Variants in MEIKIN observed in about 807,000 individuals in gnomAD.
MEIKIN encodes the protein meiotic kinetochore factor.
At position 131,941,142 on chromosome 5, in the gene MEIKIN, C is replaced by CTTTTTTTTTTT. The variant is rs397999274; in HGVS notation, c.349+1482_349+1492dup. On this transcript the variant is annotated intron_variant, in intron 4 of 12. Transcript: ENST00000442687. The stretch of plus-strand genomic sequence containing the variant: ...TTGACAATTCCTTCAAGATCTCTTC[C>CTTTTTTTTTTT]TTTTTTTTTTTTTTTTTTTTTTTTT... Among the ~76,000 whole-genome samples, 19 of 59,690 alleles carry CTTTTTTTTTTT rather than the reference C, an allele frequency of 3.2e-4. 1 individual carries two copies. Among genetic ancestry groups the CTTTTTTTTTTT allele is most frequent in the African/African-American group, 6.9e-4 (9 of 13,102 alleles). The allele number at this position is 59,690 out of a possible 152,430, so 39.2% of individuals were successfully genotyped here. A position where few individuals can be genotyped will look rare whatever the true frequency, so the allele number is the denominator to read the frequency against.
At chr5:131,895,421 T>G (rs1056256194) in intron 8 of MEIKIN, among the ~76,000 whole-genome samples, 2 of 152,142 alleles carry the variant, frequency 1.3e-5, no homozygotes. Context: ...TTAGGGAGGA[T>G]TCCCTCTTTT....
intron 4 of MEIKIN, among the ~76,000 whole-genome samples, chr5:131,941,064 G>A (rs1470812940): frequency 1.3e-5 from 2 of 150,752 alleles, no homozygotes; most frequent in Non-Finnish European, 2.9e-5. Flanking sequence ...AATATATTAG[G>A]GGATTATGAA....
At chr5:131,854,093 T>C (rs1750156933) in intron 10 of MEIKIN, among the ~76,000 whole-genome samples, 1 of 152,184 alleles carries the variant, frequency 6.6e-6, no homozygotes, top group African/African-American at 2.4e-5. Context: ...AGCAACCCAA[T>C]TGTCCATCAA....
chr5:131,824,603 A>C (rs889259243), intron 11 of MEIKIN, among the ~76,000 whole-genome samples: 1 of 152,208 alleles, frequency 6.6e-6, no homozygotes, highest in African/African-American at 2.4e-5. Context: ...TCTTGAAATG[A>C]AAAAGTTTTT....
intron 5 of MEIKIN, among the ~76,000 whole-genome samples, chr5:131,925,024 A>G (rs546414511): frequency 6.6e-6 from 1 of 152,278 alleles, no homozygotes; most frequent in South Asian, 2.1e-4. Flanking sequence ...CAATTTCATT[A>G]TTTTGTATGT....
At chr5:131,893,001 G>A (rs1038853774) in intron 8 of MEIKIN, among the ~76,000 whole-genome samples, 5 of 152,186 alleles carry the variant, frequency 3.3e-5, no homozygotes. Flanking sequence ...GTTTGCCTGG[G>A]TATCAGCAGT....
At chr5:131,844,542 A>T (rs977263038) in intron 11 of MEIKIN, among the ~76,000 whole-genome samples, 4 of 152,196 alleles carry the variant, frequency 2.6e-5, no homozygotes, top group Non-Finnish European at 5.9e-5. Context: ...CTTAGTTTAT[A>T]GGGCGGAATA....
intron 11 of MEIKIN, among the ~76,000 whole-genome samples, chr5:131,827,318 A>C (rs1163027205): frequency 6.6e-6 from 1 of 152,202 alleles, no homozygotes. Flanking sequence ...AAAAATTGTT[A>C]AGAAGAAAAG....
rs577136909 is a variant in MEIKIN at position 131,856,246 on chromosome 5, A to G, written c.775-1412T>C. Among the ~76,000 whole-genome samples, 9 of 152,280 alleles carry G rather than the reference A, an allele frequency of 5.9e-5. No homozygotes were observed. In the South Asian group the frequency reaches 1.9e-3, roughly 32 times the overall value. ...CTGTGATGCAAGGGTTACAAATAAT[A>G]TATGTAAAAAGAACCTATGGTGTCT... On this transcript the variant is annotated intron_variant, in intron 9 of 12. Transcript: ENST00000442687.
At chr5:131,849,897 A>C (rs1020442482) in intron 11 of MEIKIN, among the ~76,000 whole-genome samples, 1 of 152,234 alleles carries the variant, frequency 6.6e-6, no homozygotes, top group Non-Finnish European at 1.5e-5. Flanking sequence ...CTCTGTTCAC[A>C]GACAACATGG....
chr5:131,826,369 G>T (rs1436272026), intron 11 of MEIKIN, among the ~76,000 whole-genome samples: 1 of 151,962 alleles, frequency 6.6e-6, no homozygotes, highest in Non-Finnish European at 1.5e-5. Context: ...ATTATAATTT[G>T]GGGTGAAAGA....
intron 11 of MEIKIN, among the ~76,000 whole-genome samples, chr5:131,847,037 A>G (rs1319063259): frequency 6.6e-6 from 1 of 152,210 alleles, no homozygotes; most frequent in East Asian, 1.9e-4. Flanking sequence ...AACCACAAAG[A>G]AAATAGCTAT....
At chr5:131,851,935 T>A (rs1177694142) in intron 10 of MEIKIN, among the ~76,000 whole-genome samples, 1 of 152,206 alleles carries the variant, frequency 6.6e-6, no homozygotes, top group African/African-American at 2.4e-5. Context: ...TCCCCATGAA[T>A]ACTGAGGGAT....
intron 6 of MEIKIN, among the ~76,000 whole-genome samples, chr5:131,917,420 G>C (rs890927979): frequency 1.4e-4 from 22 of 151,924 alleles, no homozygotes; most frequent in Admixed American, 6.6e-4. Flanking sequence ...ACAAAAATTA[G>C]CCGGCCGTGG....
At chr5:131,908,038 T>A (rs1364362783) in intron 8 of MEIKIN, among the ~76,000 whole-genome samples, 2 of 152,036 alleles carry the variant, frequency 1.3e-5, no homozygotes, top group Non-Finnish European at 2.9e-5. Flanking sequence ...CTACTCAAAC[T>A]GTTCCAAAAA....
chr5:131,862,160 C>T (rs538933687), intron 9 of MEIKIN, among the ~76,000 whole-genome samples: 113 of 152,216 alleles, frequency 7.4e-4, no homozygotes, highest in South Asian at 6.2e-3. Flanking sequence ...TTTTCTATTT[C>T]TTCCTCATTC....
At chr5:131,829,636 G>A (rs1749679664) in intron 11 of MEIKIN, among the ~76,000 whole-genome samples, 1 of 152,160 alleles carries the variant, frequency 6.6e-6, no homozygotes, top group Non-Finnish European at 1.5e-5. Context: ...GGGTTGAATT[G>A]TGTTCTCCTC....
chr5:131,922,731 C>T (rs1211859688), intron 5 of MEIKIN, among the ~76,000 whole-genome samples: 2 of 152,078 alleles, frequency 1.3e-5, no homozygotes, highest in Non-Finnish European at 2.9e-5. Context: ...TCCCATCGTT[C>T]CCATATTGTT....
At chr5:131,811,950 C>A (rs1772965027) in intron 12 of MEIKIN, among the ~76,000 whole-genome samples, 1 of 152,174 alleles carries the variant, frequency 6.6e-6, no homozygotes, top group Admixed American at 6.5e-5. Context: ...ATATGTACAG[C>A]TTGATAGGTT....
Sources: allele counts gnomAD v4.1 joint callset (sites outside exome capture counted in the v4.1 genomes callset), GRCh38; gene constraint gnomAD v4.1.1; transcripts MANE v1.5; gene names NCBI Gene and HGNC (gene_info 2026-07-23, HGNC 2026-07-21).